Variants in DHX35 observed in about 807,000 individuals in gnomAD.
DHX35 encodes DEAH-box helicase 35, also known as probable ATP-dependent RNA helicase DHX35.
Under a neutral mutation model 99.6 loss-of-function variants are expected in DHX35, and 84 were observed. The ratio of observed to expected loss-of-function variants is 0.84; its 90% CI spans 0.71 to 1.01. The LOEUF is 1.01. Ranked by LOEUF, DHX35 falls within the 50% of genes least tolerant of loss-of-function variation. The probability of loss-of-function intolerance (pLI) is 0.00; values close to 1 mark genes in which losing one functional copy is unlikely to be tolerated. For missense variants in DHX35, 852 were observed against 888.5 expected, an observed-to-expected ratio of 0.96 and a Z score of 0.52; for synonymous variants, 331 against 316.2, an observed-to-expected ratio of 1.05 and a Z score of -0.50.
At position 39,003,907 on chromosome 20, in the gene DHX35, G is replaced by A. The variant is rs1330327539; in HGVS notation, c.1011G>A (p.Lys337=). Residue 337 remains lysine, a splice_region_variant and synonymous_variant, in exon 11 of 22, where the codon AAG becomes AAA. Transcript: ENST00000252011. ...VFERVSRSVR[K]VIVATNVAET... Reference sequence around the variant, plus strand: ...AAAGGGTGTCACGCAGTGTCAGAAAGGTGAGACTATCCTGATGACCAAGGG... The same window carrying A: ...AAAGGGTGTCACGCAGTGTCAGAAAAGTGAGACTATCCTGATGACCAAGGG... 1 of 1,613,932 alleles carries A rather than the reference G, an allele frequency of 6.2e-7. No homozygotes were observed. The highest frequency in any genetic ancestry group is 8.5e-7 in the Non-Finnish European group (1 of 1,179,948).
chr20:39,001,676 C>A, intron 8 of DHX35, 54 bp from the exon 9 acceptor site: 1 of 1,383,786 alleles, frequency 7.2e-7, no homozygotes, highest in Non-Finnish European at 1.0e-6. Context: ...TTCCATGAAT[C>A]GCTACGAACC....
chr20:39,027,217 A>G (rs1239890983), intron 18 of DHX35, among the ~76,000 whole-genome samples: 1 of 152,214 alleles, frequency 6.6e-6, no homozygotes, highest in African/African-American at 2.4e-5. Context: ...AGACATGTAG[A>G]TTTGAGATTT....
At chr20:38,978,963 A>G (rs1431659122) in intron 3 of DHX35, among the ~76,000 whole-genome samples, 4 of 151,992 alleles carry the variant, frequency 2.6e-5, no homozygotes, top group Admixed American at 2.6e-4. Context: ...TTTCCCTAAG[A>G]TGTGTTCTTG....
chr20:38,963,575 T>A (rs1387973496), intron 1 of DHX35, among the ~76,000 whole-genome samples: 1 of 152,274 alleles, frequency 6.6e-6, no homozygotes, highest in Non-Finnish European at 1.5e-5. Context: ...TAATGAATAC[T>A]TTTAATTTAT....
intron 1 of DHX35, 35 bp downstream of exon 1, chr20:38,962,442 C>T (rs1304617922): frequency 3.1e-6 from 5 of 1,606,872 alleles, no homozygotes; most frequent in South Asian, 2.2e-5. Flanking sequence ...GCAGATGCGG[C>T]GGCCTGACTT....
At chr20:38,981,943 C>CAAAAAAAA (rs1161300647) in intron 3 of DHX35, among the ~76,000 whole-genome samples, 6 of 87,280 alleles carry the variant, frequency 6.9e-5, no homozygotes, top group Non-Finnish European at 7.2e-5. Context: ...GACTCTGTCT[C>CAAAAAAAA]AAAAAAAAAA....
At chr20:39,019,846 G>T (rs1017469799) in intron 15 of DHX35, among the ~76,000 whole-genome samples, 1 of 152,132 alleles carries the variant, frequency 6.6e-6, no homozygotes, top group Non-Finnish European at 1.5e-5. Context: ...CTGAAACTTT[G>T]TACCCTTTGA....
chr20:38,973,582 A>C (rs2086033910), intron 3 of DHX35, among the ~76,000 whole-genome samples: 1 of 152,248 alleles, frequency 6.6e-6, no homozygotes, highest in South Asian at 2.1e-4. Flanking sequence ...TTATAAAGGA[A>C]TAATATAGCT....
At chr20:39,009,404 T>C (rs987203997) in intron 12 of DHX35, among the ~76,000 whole-genome samples, 12 of 151,798 alleles carry the variant, frequency 7.9e-5, no homozygotes, top group African/African-American at 2.9e-4. Flanking sequence ...TATTTCTTCA[T>C]GGCACTTTTT....
At chr20:39,019,381 A>G (rs1235383283) in intron 15 of DHX35, among the ~76,000 whole-genome samples, 2 of 152,128 alleles carry the variant, frequency 1.3e-5, no homozygotes, top group African/African-American at 4.8e-5. Flanking sequence ...ATTTTATTGT[A>G]TATCTATACC....
intron 1 of DHX35, among the ~76,000 whole-genome samples, chr20:38,966,881 A>G (rs534614734): frequency 6.6e-6 from 1 of 152,238 alleles, no homozygotes; most frequent in South Asian, 2.1e-4. Context: ...ACAAGGAATT[A>G]TTAAGATGTA....
intron 20 of DHX35, among the ~76,000 whole-genome samples, chr20:39,031,422 T>G (rs1011788328): frequency 6.6e-6 from 1 of 150,778 alleles, no homozygotes; most frequent in Non-Finnish European, 1.5e-5. Context: ...CTGCAACCTC[T>G]GCCTCCCAGG....
intron 1 of DHX35, among the ~76,000 whole-genome samples, chr20:38,964,827 G>A (rs1472929370): frequency 1.3e-5 from 2 of 152,194 alleles, no homozygotes; most frequent in African/African-American, 2.4e-5. Context: ...ATTAGAGAAG[G>A]TACTAGTGAA....
In DHX35 at chr20:38,999,779, A is replaced by C. The variant is rs532230812; in HGVS notation, c.643-1951A>C. ...TCTCTTATTTCCTCTGCCCTCCTCCAAAATGGCCACTGGAGTCTGGGATTC... is the reference window on the plus strand; with the variant it reads ...TCTCTTATTTCCTCTGCCCTCCTCCCAAATGGCCACTGGAGTCTGGGATTC... On this transcript the variant is annotated intron_variant, in intron 8 of 21. Transcript: ENST00000252011. Among the ~76,000 whole-genome samples, 68 of 152,298 alleles carry C rather than the reference A, an allele frequency of 4.5e-4. 1 individual carries two copies. In the South Asian group the frequency reaches 0.014, roughly 31 times the overall value.
At chr20:39,031,195 G>A (rs1200646095) in intron 20 of DHX35, among the ~76,000 whole-genome samples, 6 of 151,970 alleles carry the variant, frequency 3.9e-5, no homozygotes, top group African/African-American at 1.5e-4. Context: ...CTCTGGCAAA[G>A]AGCTTCTTAA....
At chr20:39,010,459 A>G (rs1252770415) in intron 13 of DHX35, 55 bp downstream of exon 13, 14 of 1,601,938 alleles carry the variant, frequency 8.7e-6, no homozygotes, top group East Asian at 2.2e-5. Context: ...TCACAGGGGG[A>G]TGTCAGGACA....
chr20:38,987,341 A>C (rs896820902), intron 4 of DHX35, among the ~76,000 whole-genome samples: 1 of 152,120 alleles, frequency 6.6e-6, no homozygotes, highest in African/African-American at 2.4e-5. Context: ...CCCGGGTTCA[A>C]GTGATTCTCC....
rs2087202920 is a variant in DHX35, at chr20:39,039,027, G to A, written c.*484G>A. ...TGTCTCTACGAATGAACGAAACATT[G>A]GGGATCTCTGCCGAAACCACCAAAG... On this transcript the variant is annotated 3_prime_UTR_variant, in exon 22 of 22. Coordinates refer to ENST00000252011, the MANE Select transcript of DHX35 (RefSeq NM_021931.4). 1 of 161,908 alleles carries A rather than the reference G, an allele frequency of 6.2e-6. No individual in the cohort carries two copies. Among genetic ancestry groups the A allele is most frequent in the South Asian group, 1.8e-4 (1 of 5,504 alleles). The allele number at this position is 161,908 out of a possible 1,614,324, so 10.0% of individuals were successfully genotyped here. A position where few individuals can be genotyped will look rare whatever the true frequency, so the allele number is the denominator to read the frequency against.
At chr20:39,021,672 G>A (rs2086874271) in intron 15 of DHX35, among the ~76,000 whole-genome samples, 169 bp from the exon 16 acceptor site, 2 of 151,978 alleles carry the variant, frequency 1.3e-5, no homozygotes, top group Non-Finnish European at 1.5e-5. Flanking sequence ...TGTAGAGATG[G>A]GGTTTTGCCA....
Sources: allele counts gnomAD v4.1 joint callset (sites outside exome capture counted in the v4.1 genomes callset), GRCh38; gene constraint gnomAD v4.1.1; transcripts MANE v1.5; gene names NCBI Gene and HGNC (gene_info 2026-07-23, HGNC 2026-07-21).